The following NTNG1 variants were observed in gnomAD, a reference collection of about 807,000 sequenced individuals.
NTNG1 encodes netrin G1.
In NTNG1, 16 loss-of-function variants were observed where a neutral mutation model predicts 54.0. The observed-to-expected ratio is 0.30, with a 90% confidence interval of 0.20 to 0.45. The LOEUF (loss-of-function observed/expected upper bound fraction) is 0.45, where lower values mean the gene tolerates loss of function less well. NTNG1 is among the 20% of genes least tolerant of loss of function. The probability of loss-of-function intolerance (pLI) is 1.00; values close to 1 mark genes in which losing one functional copy is unlikely to be tolerated. For synonymous variants in NTNG1, 255 were observed against 263.1 expected, an observed-to-expected ratio of 0.97 and a Z score of 0.30; for missense variants, 530 against 678.7, an observed-to-expected ratio of 0.78 and a Z score of 2.43.
chr1:107,296,079 A>G (rs1357610201), intron 2 of NTNG1, among the ~76,000 whole-genome samples: 3 of 152,096 alleles, frequency 2.0e-5, no homozygotes, highest in African/African-American at 7.2e-5. Context: ...TTCATCCTCA[A>G]CCTTCTGATC....
At chr1:107,453,969 C>A (rs1676777395) in intron 7 of NTNG1, among the ~76,000 whole-genome samples, 1 of 152,116 alleles carries the variant, frequency 6.6e-6, no homozygotes, top group African/African-American at 2.4e-5. Context: ...CCTTGCCCCA[C>A]ATGCCACACC....
intron 2 of NTNG1, among the ~76,000 whole-genome samples, chr1:107,252,725 A>G (rs893687362): frequency 6.6e-6 from 1 of 152,170 alleles, no homozygotes; most frequent in African/African-American, 2.4e-5. Flanking sequence ...CTGAATTCCA[A>G]ATTCTTAGGA....
intron 2 of NTNG1, among the ~76,000 whole-genome samples, chr1:107,312,144 T>C (rs533741961): frequency 6.6e-6 from 1 of 152,290 alleles, no homozygotes; most frequent in Non-Finnish European, 1.5e-5. Context: ...AGCCTATTAA[T>C]GATAATTCAG....
chr1:107,410,898 A>G (rs1673755987), intron 5 of NTNG1, among the ~76,000 whole-genome samples: 1 of 152,296 alleles, frequency 6.6e-6, no homozygotes, highest in South Asian at 2.1e-4. Flanking sequence ...CTAATGTGCA[A>G]ATACATTTGT....
chr1:107,333,061 G>A (rs1233030064), intron 3 of NTNG1, among the ~76,000 whole-genome samples: 1 of 152,030 alleles, frequency 6.6e-6, no homozygotes, highest in African/African-American at 2.4e-5. Flanking sequence ...TACTGGTCCA[G>A]AAGATTATAA....
At chr1:107,325,055 A>G in intron 3 of NTNG1, 133 bp downstream of exon 3, 2 of 858,684 alleles carry the variant, frequency 2.3e-6, no homozygotes, top group Non-Finnish European at 3.5e-6. Context: ...CTGTAGAAGT[A>G]GGTTCTGAAG....
intron 7 of NTNG1, among the ~76,000 whole-genome samples, chr1:107,458,749 C>T (rs1267660747): frequency 6.6e-6 from 1 of 152,238 alleles, no homozygotes; most frequent in Non-Finnish European, 1.5e-5. Context: ...ATAATTACTG[C>T]TTTCCATATG....
intron 3 of NTNG1, among the ~76,000 whole-genome samples, chr1:107,361,616 G>A (rs1026299502): frequency 6.6e-6 from 1 of 151,548 alleles, no homozygotes; most frequent in Non-Finnish European, 1.5e-5. Flanking sequence ...TCAAACTCCT[G>A]ATCTCAAGTG....
intron 3 of NTNG1, among the ~76,000 whole-genome samples, chr1:107,382,507 C>T (rs762841801): frequency 5.3e-5 from 8 of 152,206 alleles, no homozygotes; most frequent in Non-Finnish European, 1.2e-4. Flanking sequence ...AGAAAGATTG[C>T]AGGCATTGAC....
At chr1:107,213,833 C>T (rs753836078) in intron 2 of NTNG1, among the ~76,000 whole-genome samples, 1 of 152,050 alleles carries the variant, frequency 6.6e-6, no homozygotes, top group Non-Finnish European at 1.5e-5. Context: ...AATTAAGGCA[C>T]CAAATTCATT....
intron 2 of NTNG1, among the ~76,000 whole-genome samples, chr1:107,283,021 C>G (rs776888742): frequency 2.6e-5 from 4 of 151,990 alleles, no homozygotes; most frequent in Non-Finnish European, 4.4e-5. Context: ...CATGATGGCT[C>G]CACCCTCATG....
At chr1:107,352,240 G>T (rs538032500) in intron 3 of NTNG1, among the ~76,000 whole-genome samples, 2 of 152,368 alleles carry the variant, frequency 1.3e-5, no homozygotes, top group East Asian at 3.9e-4. Context: ...GGGACTCTGT[G>T]TGTGGGCTCC....
At chr1:107,433,682 A>G (rs963452498) in intron 6 of NTNG1, among the ~76,000 whole-genome samples, 4 of 152,248 alleles carry the variant, frequency 2.6e-5, no homozygotes, top group Admixed American at 6.5e-5. Context: ...GCTAGCTGAT[A>G]GGTACTAAGG....
intron 2 of NTNG1, among the ~76,000 whole-genome samples, chr1:107,175,067 G>A (rs6681613): frequency 0.78 from 118,630 of 152,110 alleles, 46,870 homozygotes; most frequent in Middle Eastern, 0.88. Flanking sequence ...CTTCAAATTC[G>A]GTTAGTGCTT....
chr1:107,175,527 C>T (rs1189998674), intron 2 of NTNG1, among the ~76,000 whole-genome samples: 1 of 152,044 alleles, frequency 6.6e-6, no homozygotes, highest in Non-Finnish European at 1.5e-5. Context: ...TGTTCATAGC[C>T]CTCCTTTCAA....
intron 1 of NTNG1, among the ~76,000 whole-genome samples, chr1:107,142,522 C>G (rs1349426949): frequency 6.6e-6 from 1 of 151,970 alleles, no homozygotes; most frequent in African/African-American, 2.4e-5. Context: ...GGAGCCACTC[C>G]TCATAACAAA....
chr1:107,144,453 A>C (rs1334564809), intron 1 of NTNG1, among the ~76,000 whole-genome samples: 1 of 152,150 alleles, frequency 6.6e-6, no homozygotes, highest in Non-Finnish European at 1.5e-5. Flanking sequence ...ATGAATGCTG[A>C]AAACCAGCTA....
chr1:107,420,987 T>C, intron 5 of NTNG1: 1 of 797,198 alleles, frequency 1.3e-6, no homozygotes, highest in Non-Finnish European at 2.1e-6. Context: ...TCTCTTAATT[T>C]AGGGCTACTT....
rs116485910 is a variant in NTNG1 at position 107,217,497 on chromosome 1, C to T, written c.246+68658C>T. 3.0e-3 allele frequency among the ~76,000 whole-genome samples: 450 copies of T among 152,058 alleles called. 2 individuals carry two copies. Among genetic ancestry groups the T allele is most frequent in the Non-Finnish European group, 4.9e-3 (335 of 67,958 alleles). ...GTATTTATTTTCTTTTGCTGGGTTT[C>T]GGTTTGGTTTGTTCCTGTTTCTCCA... On this transcript the variant is annotated intron_variant, in intron 2 of 7. Coordinates refer to ENST00000370068, the MANE Select transcript of NTNG1 (RefSeq NM_001113226.3).
Sources: allele counts gnomAD v4.1 joint callset (sites outside exome capture counted in the v4.1 genomes callset), GRCh38; gene constraint gnomAD v4.1.1; transcripts MANE v1.5; gene names NCBI Gene and HGNC (gene_info 2026-07-23, HGNC 2026-07-21).